Variants in SLC9C1 observed in about 807,000 individuals in gnomAD.
SLC9C1 encodes sodium/hydrogen exchanger 10.
A neutral mutation model predicts 140.9 loss-of-function variants in SLC9C1; 97 were observed. The ratio of observed to expected loss-of-function variants is 0.69; its 90% confidence interval spans 0.58 to 0.82. SLC9C1 has a LOEUF of 0.82. Ranked by LOEUF, SLC9C1 falls within the 40% of genes least tolerant of loss-of-function variation. The pLI, the probability that SLC9C1 is intolerant of heterozygous loss-of-function variation, is 0.00. For synonymous variants in SLC9C1, 440 were observed against 442.6 expected (o/e 0.99, Z 0.07); for missense variants, 1,340 against 1,389.3 (o/e 0.96, Z 0.56).
chr3:112,160,256 A>T (rs2075253642), intron 26 of SLC9C1, among the ~76,000 whole-genome samples: 2 of 148,212 alleles, frequency 1.3e-5, no homozygotes, highest in Non-Finnish European at 1.5e-5. Context: ...TTATTTATTT[A>T]TTTTTTTAAG....
intron 14 of SLC9C1, among the ~76,000 whole-genome samples, chr3:112,220,091 G>A (rs1327521608): frequency 2.0e-5 from 3 of 152,100 alleles, no homozygotes; most frequent in Non-Finnish European, 2.9e-5. Context: ...AGGACAAACA[G>A]AGACCCTGGT....
At chr3:112,207,098 G>A (rs191116268) in intron 16 of SLC9C1, among the ~76,000 whole-genome samples, 6 of 152,056 alleles carry the variant, frequency 3.9e-5, no homozygotes, top group Admixed American at 1.3e-4. Flanking sequence ...GCATCTATTC[G>A]AAGGGAGAAA....
chr3:112,162,650 A>C, intron 26 of SLC9C1, among the ~76,000 whole-genome samples: 1 of 152,120 alleles, frequency 6.6e-6, no homozygotes, highest in Non-Finnish European at 1.5e-5. Context: ...TATCTTTTTG[A>C]TGTACTGCTG....
At chr3:112,142,190 C>T (rs1308120313) in intron 28 of SLC9C1, among the ~76,000 whole-genome samples, 2 of 152,058 alleles carry the variant, frequency 1.3e-5, no homozygotes, top group Non-Finnish European at 2.9e-5. Context: ...AACCAATATC[C>T]CTCAGTTTTC....
chr3:112,256,625 A>G (rs1405880901), intron 10 of SLC9C1, among the ~76,000 whole-genome samples: 1 of 152,174 alleles, frequency 6.6e-6, no homozygotes, highest in East Asian at 1.9e-4. Context: ...GAGTAGGCAA[A>G]GGCTAGATGC....
Position 112,202,378 on chromosome 3 carries a change from G to T in SLC9C1, c.2194C>A (p.Gln732Lys), listed in dbSNP as rs6781844. The T allele has an allele frequency of 0.77, 1,237,655 of 1,599,624 alleles. 482,326 individuals carry two copies. Among genetic ancestry groups the T allele is most frequent in the East Asian group, 0.99 (44,232 of 44,624 alleles). ...TGACTCATTCTTTTATCTATTATTT[G>T]CAGCAACTTTGGTGCTATGAGCTGA... Reference protein sequence around the residue: ...IFKLIAPKLLQIIDKRMSHQK... With the variant: ...IFKLIAPKLLKIIDKRMSHQK... The change falls in exon 18 of 29, where the codon CAA becomes AAA. Residue 732 changes from glutamine (Q) to lysine (K), a missense_variant. Physicochemically the swap from Gln to Lys is moderately conservative, Grantham distance 53. Transcript: ENST00000305815.
At chr3:112,290,288 A>G (rs1264244773) in intron 1 of SLC9C1, among the ~76,000 whole-genome samples, 1 of 152,222 alleles carries the variant, frequency 6.6e-6, no homozygotes, top group Non-Finnish European at 1.5e-5. Flanking sequence ...TTTCCAAACT[A>G]AGAATACATG....
intron 11 of SLC9C1, among the ~76,000 whole-genome samples, chr3:112,241,133 T>G (rs912596633): frequency 6.6e-6 from 1 of 152,148 alleles, no homozygotes; most frequent in Admixed American, 6.5e-5. Context: ...TATTTTAAAT[T>G]TTAAACATTT....
At chr3:112,271,369 A>G (rs1472444524) in intron 6 of SLC9C1, among the ~76,000 whole-genome samples, 1 of 130,250 alleles carries the variant, frequency 7.7e-6, no homozygotes, top group Non-Finnish European at 1.7e-5. Flanking sequence ...GACGTTAATT[A>G]GTTTGATTTA....
At chr3:112,225,338 C>T (rs902580579) in intron 13 of SLC9C1, among the ~76,000 whole-genome samples, 1 of 152,114 alleles carries the variant, frequency 6.6e-6, no homozygotes, top group Admixed American at 6.6e-5. Flanking sequence ...TGAGAGAATT[C>T]ACCATCACTA....
chr3:112,176,624 T>C (rs957575775), intron 23 of SLC9C1, among the ~76,000 whole-genome samples: 1 of 152,266 alleles, frequency 6.6e-6, no homozygotes, highest in African/African-American at 2.4e-5. Flanking sequence ...ATGATAACAC[T>C]ACAGAGATTC....
At chr3:112,195,318 G>C (rs1160133327) in intron 20 of SLC9C1, among the ~76,000 whole-genome samples, 3 of 152,046 alleles carry the variant, frequency 2.0e-5, no homozygotes, top group African/African-American at 2.4e-5. Context: ...TTAGTTAAGG[G>C]TCCAACTTTA....
rs75253715 is a variant in SLC9C1, at chr3:112,281,951, T to A, written c.89-1168A>T. On this transcript the variant is annotated intron_variant, in intron 2 of 28. Transcript: ENST00000305815. ...GTAATGTTGAAGAAGAAGCCCACAG[T>A]GGCGGATCATCCACATCAGATTGTG... Among the ~76,000 whole-genome samples, 684 of 152,320 alleles carry A rather than the reference T, an allele frequency of 4.5e-3. 9 individuals are homozygous for A. Among genetic ancestry groups the A allele is most frequent in the East Asian group, 0.013 (66 of 5,184 alleles).
intron 11 of SLC9C1, among the ~76,000 whole-genome samples, chr3:112,242,682 T>G (rs556416484): frequency 6.6e-6 from 1 of 152,260 alleles, no homozygotes; most frequent in African/African-American, 2.4e-5. Context: ...AAGAGCACAA[T>G]TGGATTGTTT....
At chr3:112,214,463 C>A (rs905542904) in intron 15 of SLC9C1, among the ~76,000 whole-genome samples, 1 of 151,784 alleles carries the variant, frequency 6.6e-6, no homozygotes, top group Non-Finnish European at 1.5e-5. Context: ...AGACCACTAG[C>A]AAGACTAATA....
chr3:112,150,842 T>TATA (rs1560003735), intron 28 of SLC9C1, among the ~76,000 whole-genome samples: 1 of 39,104 alleles, frequency 2.6e-5, no homozygotes, highest in African/African-American at 1.9e-4. Context: ...ATATATATAT[T>TATA]TTTTTTTTTT....
intron 13 of SLC9C1, among the ~76,000 whole-genome samples, chr3:112,227,641 C>A (rs1280835895): frequency 6.6e-6 from 1 of 151,974 alleles, no homozygotes; most frequent in Non-Finnish European, 1.5e-5. Context: ...GGAATGAGGA[C>A]AAGTTAAAAT....
intron 20 of SLC9C1, among the ~76,000 whole-genome samples, chr3:112,190,926 T>A (rs927688151): frequency 4.1e-5 from 3 of 72,724 alleles, no homozygotes; most frequent in Admixed American, 1.9e-4. Flanking sequence ...TTACTTTTTT[T>A]AAACACACAC....
intron 23 of SLC9C1, among the ~76,000 whole-genome samples, chr3:112,179,039 T>C (rs989544519): frequency 2.0e-5 from 3 of 152,220 alleles, no homozygotes; most frequent in Non-Finnish European, 4.4e-5. Context: ...ATGTATGTAA[T>C]GTATGGGTTT....
Sources: gnomAD v4.1 joint callset for allele counts (sites outside exome capture counted in the v4.1 genomes callset) on GRCh38, gnomAD v4.1.1 for gene constraint, MANE v1.5 for transcripts, NCBI Gene and HGNC (gene_info 2026-07-23, HGNC 2026-07-21) for gene names.